The following SLC41A2 variants were observed in gnomAD, a reference collection of about 807,000 sequenced individuals.
The protein encoded by SLC41A2 is solute carrier family 41 member 2.
A neutral mutation model predicts 58.3 loss-of-function variants in SLC41A2; 32 were observed. The ratio of observed to expected loss-of-function variants is 0.55; its 90% CI spans 0.41 to 0.74. SLC41A2 has a LOEUF of 0.74. Ranked by LOEUF, SLC41A2 falls within the 30% of genes least tolerant of loss-of-function variation. The pLI is 0.00. For missense variants in SLC41A2, 514 were observed against 680.6 expected, an observed-to-expected ratio of 0.76 and a Z score of 2.72; for synonymous variants, 190 against 235.0, an observed-to-expected ratio of 0.81 and a Z score of 1.75.
chr12:104,861,770 T>A (rs1415953647), intron 7 of SLC41A2, among the ~76,000 whole-genome samples: 1 of 152,188 alleles, frequency 6.6e-6, no homozygotes, highest in East Asian at 1.9e-4. Flanking sequence ...CATTGATCAC[T>A]CTTATAATTT....
intron 10 of SLC41A2, among the ~76,000 whole-genome samples, chr12:104,835,549 G>A (rs2042179864): frequency 6.6e-6 from 1 of 152,018 alleles, no homozygotes; most frequent in Admixed American, 6.6e-5. Context: ...AAAGCAAATT[G>A]TTATCCACTA....
chr12:104,853,921 T>A (rs1409598687), intron 8 of SLC41A2, among the ~76,000 whole-genome samples: 4 of 135,122 alleles, frequency 3.0e-5, no homozygotes, highest in East Asian at 2.1e-4. Context: ...ATTTTTTTTT[T>A]TTTTTTTTTT....
chr12:104,848,824 A>G (rs1047196870), intron 8 of SLC41A2, among the ~76,000 whole-genome samples: 3 of 152,104 alleles, frequency 2.0e-5, no homozygotes, highest in African/African-American at 7.2e-5. Flanking sequence ...AGAATAATTT[A>G]TAAAATTTTA....
At chr12:104,890,492 G>A (rs1307186167) in intron 4 of SLC41A2, among the ~76,000 whole-genome samples, 2 of 152,218 alleles carry the variant, frequency 1.3e-5, no homozygotes. Flanking sequence ...CACAGAGCTA[G>A]AGAACCTACT....
In SLC41A2 at chr12:104,845,722, C is replaced by T. The variant is rs112652310; in HGVS notation, c.1387+121G>A. 148 of 982,736 alleles carry T rather than the reference C, an allele frequency of 1.5e-4. 1 individual carries two copies. In the African/African-American group the frequency reaches 2.1e-3, roughly 14 times the overall value. The allele number at this position is 982,736 out of a possible 1,614,324, so 60.9% of individuals were successfully genotyped here. A position where few individuals can be genotyped will look rare whatever the true frequency, so the allele number is the denominator to read the frequency against. ...GCCTTTTCATTCACTGGGATTAGCT[C>T]TCAGAAATCGGAAAGTTGAGCAACT... is the stretch of plus-strand genomic sequence containing the variant. On this transcript the variant is annotated intron_variant, in intron 9 of 10. Coordinates refer to ENST00000258538, the MANE Select transcript of SLC41A2 (RefSeq NM_001352171.3).
At chr12:104,866,313 G>T in intron 7 of SLC41A2, 119 bp downstream of exon 7, 1 of 1,243,760 alleles carries the variant, frequency 8.0e-7, no homozygotes, top group Non-Finnish European at 1.0e-6. Flanking sequence ...AATAAAAACA[G>T]GCAATTCATT....
At chr12:104,947,681 T>C (rs370891012) in intron 1 of SLC41A2, among the ~76,000 whole-genome samples, 1 of 152,006 alleles carries the variant, frequency 6.6e-6, no homozygotes, top group African/African-American at 2.4e-5. Context: ...CCAGTATAAA[T>C]ACATACTAAA....
At position 104,865,088 on chromosome 12, in the gene SLC41A2, T is replaced by G. The variant is rs1008688993; in HGVS notation, c.1175+1344A>C. Reference sequence around the variant, plus strand: ...GACAATCAGGTGGGTTTGTAGCTCTTTCATTAAAGGACTCACAAGGGTTAG... The same window carrying G: ...GACAATCAGGTGGGTTTGTAGCTCTGTCATTAAAGGACTCACAAGGGTTAG... On this transcript the variant is annotated intron_variant, in intron 7 of 10. Transcript: ENST00000258538. 4.6e-5 allele frequency among the ~76,000 whole-genome samples: 7 copies of G among 152,286 alleles called. 1 individual carries two copies. The highest frequency in any genetic ancestry group is 1.3e-4 in the Admixed American group (2 of 15,288).
intron 4 of SLC41A2, among the ~76,000 whole-genome samples, chr12:104,892,179 A>T (rs888303693): frequency 1.1e-4 from 16 of 151,756 alleles, no homozygotes; most frequent in African/African-American, 3.4e-4. Flanking sequence ...ACACCCCAGT[A>T]ATCCCAGCTG....
intron 10 of SLC41A2, among the ~76,000 whole-genome samples, chr12:104,835,735 T>C (rs973567428): frequency 6.6e-6 from 1 of 152,150 alleles, no homozygotes; most frequent in Non-Finnish European, 1.5e-5. Flanking sequence ...TGGGGCAATA[T>C]GCCTGGCTGG....
chr12:104,841,137 A>G (rs1413472937), intron 10 of SLC41A2, among the ~76,000 whole-genome samples: 3 of 152,046 alleles, frequency 2.0e-5, no homozygotes, highest in Non-Finnish European at 4.4e-5. Context: ...TTACCCCTCC[A>G]CTTCCACTTC....
intron 8 of SLC41A2, among the ~76,000 whole-genome samples, chr12:104,860,998 T>A (rs77074704): frequency 0.019 from 2,918 of 152,228 alleles, 33 homozygotes; most frequent in African/African-American, 0.036. Flanking sequence ...ATGTAAATAA[T>A]AAACAAAATC....
intron 10 of SLC41A2, chr12:104,834,226 T>C (rs1175612842): frequency 1.0e-6 from 1 of 970,510 alleles, no homozygotes; most frequent in Admixed American, 6.2e-5. Context: ...GTGTCTCAAT[T>C]TGAGACCTTA....
intron 7 of SLC41A2, among the ~76,000 whole-genome samples, chr12:104,863,975 G>A (rs1346594204): frequency 7.2e-6 from 1 of 139,152 alleles, no homozygotes; most frequent in African/African-American, 2.7e-5. Context: ...TTTTTTCTTA[G>A]AGACCTCCCT....
At chr12:104,807,059 CTTTAG>C (rs1275578567) in intron 10 of SLC41A2, among the ~76,000 whole-genome samples, 4 of 152,090 alleles carry the variant, frequency 2.6e-5, no homozygotes, top group African/African-American at 9.7e-5. Flanking sequence ...TGCAGAAGCT[CTTTAG>C]TTTAATTAGA....
chr12:104,824,712 C>T (rs1463527758), intron 10 of SLC41A2, among the ~76,000 whole-genome samples: 2 of 152,162 alleles, frequency 1.3e-5, no homozygotes, highest in Non-Finnish European at 2.9e-5. Flanking sequence ...AAACATTCAC[C>T]CCTAGACAAT....
At chr12:104,852,349 T>G (rs1376778798) in intron 8 of SLC41A2, among the ~76,000 whole-genome samples, 1 of 152,220 alleles carries the variant, frequency 6.6e-6, no homozygotes, top group Admixed American at 6.5e-5. Flanking sequence ...GGATATGGAA[T>G]GCTTCAATGC....
intron 8 of SLC41A2, among the ~76,000 whole-genome samples, chr12:104,855,613 A>G (rs1422566458): frequency 6.6e-6 from 1 of 152,186 alleles, no homozygotes; most frequent in Non-Finnish European, 1.5e-5. Flanking sequence ...TCATTTATCT[A>G]GTCTGCTACT....
chr12:104,882,128 G>A (rs1306068091), intron 6 of SLC41A2, among the ~76,000 whole-genome samples: 1 of 151,926 alleles, frequency 6.6e-6, no homozygotes, highest in Non-Finnish European at 1.5e-5. Flanking sequence ...TCAGAGACTA[G>A]GATTGCAACC....
Sources: gnomAD v4.1 joint callset for allele counts (sites outside exome capture counted in the v4.1 genomes callset) on GRCh38, gnomAD v4.1.1 for gene constraint, MANE v1.5 for transcripts, NCBI Gene and HGNC (gene_info 2026-07-23, HGNC 2026-07-21) for gene names.